The following GRXCR1 variants were observed in gnomAD, a reference collection of about 807,000 sequenced individuals.
GRXCR1 encodes glutaredoxin and cysteine rich domain containing 1, also known as glutaredoxin domain-containing cysteine-rich protein 1.
A neutral mutation model predicts 27.3 loss-of-function variants in GRXCR1; 27 were observed. The observed-to-expected ratio is 0.99, with a 90% confidence interval of 0.73 to 1.37. The LOEUF (loss-of-function observed/expected upper bound fraction) is 1.37, where lower values mean the gene tolerates loss of function less well. Among genes scored for constraint, GRXCR1 ranks in the 40% most tolerant of loss-of-function variants. The pLI, the probability that GRXCR1 is intolerant of heterozygous loss-of-function variation, is 0.00. For synonymous variants in GRXCR1, 122 were observed against 131.1 expected (o/e 0.93, Z 0.47); for missense variants, 379 against 354.4 (o/e 1.07, Z -0.56).
intron 1 of GRXCR1, among the ~76,000 whole-genome samples, chr4:42,911,331 A>G (rs1487565423): frequency 6.6e-6 from 1 of 152,196 alleles, no homozygotes; most frequent in Non-Finnish European, 1.5e-5. Flanking sequence ...TAATCAAAAA[A>G]GCAATAGCAA....
chr4:42,954,170 A>G (rs1338979992), intron 1 of GRXCR1, among the ~76,000 whole-genome samples: 1 of 152,140 alleles, frequency 6.6e-6, no homozygotes, highest in Admixed American at 6.6e-5. Context: ...TGAACCAGTT[A>G]GTATATACAA....
chr4:42,920,594 A>C (rs976187891), intron 1 of GRXCR1, among the ~76,000 whole-genome samples: 4 of 152,118 alleles, frequency 2.6e-5, no homozygotes, highest in African/African-American at 9.7e-5. Context: ...CAGAGGTTCT[A>C]CTGCAGATCC....
intron 2 of GRXCR1, among the ~76,000 whole-genome samples, chr4:42,971,573 A>C (rs747268864): frequency 2.0e-5 from 3 of 152,086 alleles, no homozygotes; most frequent in Admixed American, 6.6e-5. Flanking sequence ...GAGTGAGTGA[A>C]GGGAAAAGTT....
chr4:42,961,633 G>T (rs77658469), intron 1 of GRXCR1, among the ~76,000 whole-genome samples: 1 of 151,910 alleles, frequency 6.6e-6, no homozygotes, highest in Non-Finnish European at 1.5e-5. Flanking sequence ...AGGCCTCTGG[G>T]TTTTCAACTT....
At chr4:42,990,169 A>G (rs1711917365) in intron 2 of GRXCR1, among the ~76,000 whole-genome samples, 1 of 87,836 alleles carries the variant, frequency 1.1e-5, no homozygotes, top group Non-Finnish European at 2.4e-5. Context: ...TTGAATTATT[A>G]GTTCTTTTTT....
intron 2 of GRXCR1, among the ~76,000 whole-genome samples, chr4:43,015,486 G>C (rs75790012): frequency 0.031 from 4,651 of 152,140 alleles, 76 homozygotes; most frequent in African/African-American, 0.037. Flanking sequence ...TACCAAAAAA[G>C]CAAGAATACT....
intron 2 of GRXCR1, among the ~76,000 whole-genome samples, chr4:42,967,446 C>A (rs1748273627): frequency 6.6e-6 from 1 of 151,850 alleles, no homozygotes; most frequent in Admixed American, 6.6e-5. Flanking sequence ...TAACTTAATC[C>A]AAATTTTTTG....
At chr4:43,006,455 T>C (rs1248207898) in intron 2 of GRXCR1, among the ~76,000 whole-genome samples, 3 of 152,126 alleles carry the variant, frequency 2.0e-5, no homozygotes, top group Non-Finnish European at 4.4e-5. Flanking sequence ...CCTGGAGATA[T>C]AGGCTTATAA....
intron 1 of GRXCR1, among the ~76,000 whole-genome samples, chr4:42,928,871 A>C (rs1747234252): frequency 6.6e-6 from 1 of 152,004 alleles, no homozygotes; most frequent in Admixed American, 6.6e-5. Flanking sequence ...TGGATTGGCT[A>C]GTTTGCATAT....
chr4:43,020,198 GTCT>G (rs1025655733), intron 2 of GRXCR1, among the ~76,000 whole-genome samples, 153 bp from the exon 3 acceptor site: 9 of 152,004 alleles, frequency 5.9e-5, no homozygotes, highest in Non-Finnish European at 8.8e-5. Flanking sequence ...AAGGAAAAAT[GTCT>G]TCTTCTCTTT....
At chr4:42,927,063 C>T (rs529445059) in intron 1 of GRXCR1, among the ~76,000 whole-genome samples, 1 of 152,052 alleles carries the variant, frequency 6.6e-6, no homozygotes, top group South Asian at 2.1e-4. Flanking sequence ...TTTGTCTTTA[C>T]CCATATGCCA....
At position 42,976,467 on chromosome 4, in the gene GRXCR1, T is replaced by C. The variant is rs372933984; in HGVS notation, c.627+13333T>C. Among the ~76,000 whole-genome samples the C allele has an allele frequency of 4.3e-4, 66 of 152,152 alleles. 2 individuals carry two copies. The South Asian group carries it at 9.7e-3, about 22-fold the overall frequency. On this transcript the variant is annotated intron_variant, in intron 2 of 3. Coordinates refer to ENST00000399770, the MANE Select transcript of GRXCR1 (RefSeq NM_001080476.3). ...TAAAACCAACTTTATTTTTGAATTA[T>C]AATGTACACACAGAATAATGCATAT...
rs1747631262 is a variant in GRXCR1 at position 42,941,842 on chromosome 4, T to C, written c.385-21050T>C. On this transcript the variant is annotated intron_variant, in intron 1 of 3. Coordinates refer to ENST00000399770, the MANE Select transcript of GRXCR1 (RefSeq NM_001080476.3). Reference sequence around the variant, plus strand: ...TTCTAGAAGACAAAATTATCCCCACTATTGAAAATCAAAACAAACAAACAG... The same window carrying C: ...TTCTAGAAGACAAAATTATCCCCACCATTGAAAATCAAAACAAACAAACAG... Among the ~76,000 whole-genome samples the C allele has an allele frequency of 2.0e-5, 3 of 152,024 alleles. No homozygotes were observed. In the South Asian group the frequency reaches 6.2e-4, roughly 32 times the overall value.
chr4:42,901,406 C>A (rs1053689514), intron 1 of GRXCR1, among the ~76,000 whole-genome samples: 4 of 152,132 alleles, frequency 2.6e-5, no homozygotes, highest in African/African-American at 9.7e-5. Context: ...GAATTCATTT[C>A]TTGCATTTCT....
At chr4:42,972,027 T>C (rs1047491991) in intron 2 of GRXCR1, among the ~76,000 whole-genome samples, 5 of 152,070 alleles carry the variant, frequency 3.3e-5, no homozygotes, top group Non-Finnish European at 7.4e-5. Context: ...CTCCCAAGTA[T>C]CTGGCACCAG....
intron 1 of GRXCR1, among the ~76,000 whole-genome samples, chr4:42,935,004 G>C (rs1446647056): frequency 6.6e-6 from 1 of 151,942 alleles, no homozygotes; most frequent in African/African-American, 2.4e-5. Context: ...TTGGCTTCTG[G>C]TGAGGACAGA....
At chr4:43,025,331 T>C (rs1319908674) in intron 3 of GRXCR1, among the ~76,000 whole-genome samples, 2 of 152,208 alleles carry the variant, frequency 1.3e-5, no homozygotes, top group African/African-American at 2.4e-5. Flanking sequence ...GAGAAGTGTC[T>C]GGTTTACTGC....
intron 1 of GRXCR1, among the ~76,000 whole-genome samples, chr4:42,933,089 A>G (rs866905407): frequency 6.6e-6 from 1 of 151,962 alleles, no homozygotes; most frequent in African/African-American, 2.4e-5. Context: ...TTATTAAAAC[A>G]TAGGTAAAGA....
chr4:42,915,169 A>G (rs1432841020), intron 1 of GRXCR1, among the ~76,000 whole-genome samples: 1 of 152,170 alleles, frequency 6.6e-6, no homozygotes, highest in Non-Finnish European at 1.5e-5. Context: ...CAGCAGTAAA[A>G]GAGGCGGGGT....
Sources: gnomAD v4.1 joint callset for allele counts (sites outside exome capture counted in the v4.1 genomes callset) on GRCh38, gnomAD v4.1.1 for gene constraint, MANE v1.5 for transcripts, NCBI Gene and HGNC (gene_info 2026-07-23, HGNC 2026-07-21) for gene names.